CDH4: variants seen among roughly 807,000 people sequenced by gnomAD.
The protein encoded by CDH4 is cadherin 4.
In CDH4, 33 loss-of-function variants were observed where a neutral mutation model predicts 86.0. That is an observed-to-expected ratio of 0.38 (90% confidence interval 0.29 to 0.51). The LOEUF (loss-of-function observed/expected upper bound fraction) is 0.51, where lower values mean the gene tolerates loss of function less well. CDH4 is among the 20% of genes least tolerant of loss of function. CDH4 has a pLI of 0.86. For missense variants in CDH4, 1,114 were observed against 1,307.4 expected (o/e 0.85, Z 2.28); for synonymous variants, 555 against 549.4 (o/e 1.01, Z -0.14).
intron 4 of CDH4, among the ~76,000 whole-genome samples, chr20:61,794,884 G>A (rs936176401): frequency 1.6e-4 from 25 of 152,200 alleles, no homozygotes; most frequent in Non-Finnish European, 3.5e-4. Flanking sequence ...GCGCCTTATA[G>A]GAAGAACGTC....
At chr20:61,398,812 C>T (rs1044801818) in intron 2 of CDH4, among the ~76,000 whole-genome samples, 1 of 152,182 alleles carries the variant, frequency 6.6e-6, no homozygotes. Flanking sequence ...ATTGGCCTTG[C>T]GTCAGTCATT....
intron 2 of CDH4, chr20:61,740,808 AGTTATG>A (rs1455398356): frequency 6.6e-6 from 1 of 152,254 alleles, no homozygotes; most frequent in Non-Finnish European, 1.5e-5. Context: ...GGAACACCCA[AGTTATG>A]GTTAGACTGA....
chr20:61,898,218 C>T (rs566806811), intron 8 of CDH4, among the ~76,000 whole-genome samples: 114 of 152,350 alleles, frequency 7.5e-4, no homozygotes, highest in African/African-American at 2.6e-3. Context: ...CCGCACATGC[C>T]GCCAGGCTAT....
At chr20:61,466,460 C>T (rs2085471924) in intron 2 of CDH4, among the ~76,000 whole-genome samples, 1 of 152,198 alleles carries the variant, frequency 6.6e-6, no homozygotes, top group South Asian at 2.1e-4. Flanking sequence ...TGACTCAGTA[C>T]AATCCCAGAA....
chr20:61,521,215 GCTC>G (rs1485542470), intron 2 of CDH4, among the ~76,000 whole-genome samples: 1 of 152,196 alleles, frequency 6.6e-6, no homozygotes, highest in East Asian at 1.9e-4. Context: ...CTGCTTCTGA[GCTC>G]CTGCCAGATA....
At chr20:61,588,948 C>T (rs187621348) in intron 2 of CDH4, among the ~76,000 whole-genome samples, 9 of 152,262 alleles carry the variant, frequency 5.9e-5, no homozygotes, top group Admixed American at 1.3e-4. Flanking sequence ...GCATTCTGTT[C>T]GTAAAAACAC....
chr20:61,465,916 T>C (rs2031297413), intron 2 of CDH4, among the ~76,000 whole-genome samples: 1 of 152,008 alleles, frequency 6.6e-6, no homozygotes, highest in South Asian at 2.1e-4. Flanking sequence ...CTTTCTAATG[T>C]TCTCTATAGG....
At chr20:61,766,480 T>G (rs958937708) in intron 3 of CDH4, among the ~76,000 whole-genome samples, 4 of 152,158 alleles carry the variant, frequency 2.6e-5, no homozygotes. Flanking sequence ...TTCTCAGGTT[T>G]CTTCCGACAG....
chr20:61,352,011 C>G (rs1004621424), intron 2 of CDH4, among the ~76,000 whole-genome samples: 1 of 152,118 alleles, frequency 6.6e-6, no homozygotes, highest in Non-Finnish European at 1.5e-5. Context: ...GCCACCGCAC[C>G]CGGCCTCCTT....
intron 2 of CDH4, among the ~76,000 whole-genome samples, chr20:61,727,188 C>T (rs115830034): frequency 0.077 from 11,695 of 151,920 alleles, 926 homozygotes; most frequent in East Asian, 0.38. Context: ...CCATCATCAC[C>T]ATCAGAGTCA....
At chr20:61,711,901 ACAGT>A (rs941477907) in intron 2 of CDH4, among the ~76,000 whole-genome samples, 1 of 152,024 alleles carries the variant, frequency 6.6e-6, no homozygotes, top group African/African-American at 2.4e-5. Context: ...ACATCTGGGG[ACAGT>A]CAGTGCAAGT....
chr20:61,833,401 A>G (rs55884686), intron 4 of CDH4, among the ~76,000 whole-genome samples: 62,865 of 151,970 alleles, frequency 0.41, 15,981 homozygotes, highest in Non-Finnish European at 0.58. Context: ...GTCTACTAGT[A>G]TGCAGAGCTC....
At chr20:61,885,296 C>G (rs190551642) in intron 7 of CDH4, among the ~76,000 whole-genome samples, 1 of 152,310 alleles carries the variant, frequency 6.6e-6, no homozygotes, top group East Asian at 1.9e-4. Context: ...CATTTCTCCT[C>G]GACTCCCTTA....
chr20:61,398,782 C>T (rs1162002571), intron 2 of CDH4, among the ~76,000 whole-genome samples: 1 of 152,194 alleles, frequency 6.6e-6, no homozygotes, highest in Non-Finnish European at 1.5e-5. Flanking sequence ...GACACATACA[C>T]AATTATGTCT....
intron 2 of CDH4, among the ~76,000 whole-genome samples, chr20:61,638,319 G>A (rs1430171169): frequency 6.6e-6 from 1 of 152,200 alleles, no homozygotes; most frequent in African/African-American, 2.4e-5. Context: ...GAATCCTAAA[G>A]GAGAAATGAG....
chr20:61,880,521 T>C (rs1235610721), intron 7 of CDH4, among the ~76,000 whole-genome samples: 1 of 152,014 alleles, frequency 6.6e-6, no homozygotes, highest in Non-Finnish European at 1.5e-5. Flanking sequence ...GGTGAGAAGG[T>C]GGACCCAGCC....
At chr20:61,664,237 C>T (rs1055189062) in intron 2 of CDH4, among the ~76,000 whole-genome samples, 1 of 152,210 alleles carries the variant, frequency 6.6e-6, no homozygotes, top group Non-Finnish European at 1.5e-5. Context: ...TGGGCCTGTC[C>T]GCCCACCCTC....
intron 2 of CDH4, among the ~76,000 whole-genome samples, chr20:61,546,260 T>C (rs1273485698): frequency 6.6e-6 from 1 of 151,676 alleles, no homozygotes; most frequent in African/African-American, 2.4e-5. Flanking sequence ...GGATACAGTA[T>C]GTGTTCACAT....
At chr20:61,878,196 C>T (rs1030631384) in intron 7 of CDH4, among the ~76,000 whole-genome samples, 2 of 152,182 alleles carry the variant, frequency 1.3e-5, no homozygotes, top group Admixed American at 6.5e-5. Context: ...AGCACGTGCC[C>T]GGCAGCAGGA....
Sources: gnomAD v4.1 joint callset for allele counts (sites outside exome capture counted in the v4.1 genomes callset) on GRCh38, gnomAD v4.1.1 for gene constraint, MANE v1.5 for transcripts, NCBI Gene and HGNC (gene_info 2026-07-23, HGNC 2026-07-21) for gene names.